TDRD3: variants seen among roughly 807,000 people sequenced by gnomAD.
TDRD3 encodes the protein tudor domain containing 3, also known as tudor domain-containing protein 3.
In TDRD3, 45 loss-of-function variants were observed where a neutral mutation model predicts 86.7. The ratio of observed to expected loss-of-function variants is 0.52; its 90% CI spans 0.41 to 0.67. TDRD3 has a LOEUF of 0.67. Among genes scored for constraint, TDRD3 ranks in the 30% least tolerant of loss-of-function variants. The probability of loss-of-function intolerance (pLI) is 0.00; values close to 1 mark genes in which losing one functional copy is unlikely to be tolerated. For missense variants in TDRD3, 814 were observed against 889.0 expected (o/e 0.92, Z 1.07); for synonymous variants, 298 against 301.7 (o/e 0.99, Z 0.13).
At chr13:60,510,531 T>G in intron 9 of TDRD3, 99 bp from the exon 10 acceptor site, 1 of 1,200,436 alleles carries the variant, frequency 8.3e-7, no homozygotes, top group Non-Finnish European at 1.1e-6. Context: ...GAAAAGAAAT[T>G]AAAATCCTTA....
chr13:60,561,863 TTTGTTGTTGTTG>T (rs535474569), intron 12 of TDRD3, among the ~76,000 whole-genome samples: 1 of 117,230 alleles, frequency 8.5e-6, no homozygotes, highest in Admixed American at 8.8e-5. Flanking sequence ...GCCCAGGTTT[TTTGTTGTTGTTG>T]TTGTTGTTGT....
intron 12 of TDRD3, chr13:60,535,644 A>G (rs1595084452): frequency 6.5e-6 from 1 of 154,412 alleles, no homozygotes; most frequent in Non-Finnish European, 1.4e-5. Context: ...TTACAGGTAA[A>G]ATTAAAAAAA....
chr13:60,461,657 G>T (rs1955806687), intron 4 of TDRD3, among the ~76,000 whole-genome samples: 1 of 152,168 alleles, frequency 6.6e-6, no homozygotes. Context: ...TTAATCCAGT[G>T]CTGGAGGTAC....
At position 60,476,445 on chromosome 13, in the gene TDRD3, A is replaced by G. The variant is rs560087599; in HGVS notation, c.496-7330A>G. On this transcript the variant is annotated intron_variant, in intron 5 of 13. Coordinates refer to ENST00000377881, the MANE Select transcript of TDRD3 (RefSeq NM_001146070.2). ...TACTCATTGTTATATTTTTGTACCA[A>G]TACCATTCTGTTTTGGTTATTGTAG... 2.6e-4 allele frequency among the ~76,000 whole-genome samples: 39 copies of G among 152,148 alleles called. 1 individual carries two copies. In the South Asian group the frequency reaches 7.9e-3, roughly 31 times the overall value.
intron 8 of TDRD3, among the ~76,000 whole-genome samples, chr13:60,506,149 T>G (rs1476630603): frequency 6.6e-6 from 1 of 152,064 alleles, no homozygotes; most frequent in Non-Finnish European, 1.5e-5. Flanking sequence ...CAGGTTACCC[T>G]CAAAGGGAAA....
intron 10 of TDRD3, among the ~76,000 whole-genome samples, chr13:60,513,081 G>C (rs1595051073): frequency 6.6e-6 from 1 of 152,200 alleles, no homozygotes; most frequent in African/African-American, 2.4e-5. Flanking sequence ...CTGAAATCTG[G>C]GTGGAGGTTC....
At chr13:60,403,908 C>T (rs972236694) in intron 1 of TDRD3, among the ~76,000 whole-genome samples, 2 of 152,146 alleles carry the variant, frequency 1.3e-5, no homozygotes, top group African/African-American at 4.8e-5. Flanking sequence ...TAACTCTATA[C>T]AATAATATGT....
intron 8 of TDRD3, among the ~76,000 whole-genome samples, chr13:60,496,287 CCATATATATATATA>C (rs1286275563): frequency 1.9e-4 from 11 of 57,496 alleles, no homozygotes; most frequent in African/African-American, 3.4e-4. Flanking sequence ...TAACAAACTC[CCATATATATATATA>C]TATATATATA....
intron 8 of TDRD3, among the ~76,000 whole-genome samples, chr13:60,495,667 A>G (rs1251489627): frequency 6.6e-6 from 1 of 152,032 alleles, no homozygotes; most frequent in Non-Finnish European, 1.5e-5. Context: ...GTTTCACTAT[A>G]TTAGTGAAAC....
chr13:60,557,311 C>T (rs555627123), intron 12 of TDRD3, among the ~76,000 whole-genome samples: 62 of 152,252 alleles, frequency 4.1e-4, no homozygotes, highest in African/African-American at 1.5e-3. Context: ...CAGAGAGCTC[C>T]CTTCACCAGA....
intron 1 of TDRD3, among the ~76,000 whole-genome samples, chr13:60,417,422 A>G (rs989067433): frequency 2.0e-5 from 3 of 149,666 alleles, no homozygotes; most frequent in Non-Finnish European, 4.4e-5. Flanking sequence ...GCTCACTGCA[A>G]CCTTTGCCTC....
chr13:60,418,103 A>C (rs1172143522), intron 1 of TDRD3, among the ~76,000 whole-genome samples: 1 of 152,120 alleles, frequency 6.6e-6, no homozygotes, highest in Non-Finnish European at 1.5e-5. Context: ...TGTCTTACAA[A>C]GGTATGCATA....
chr13:60,519,185 G>A (rs938629703), intron 10 of TDRD3, among the ~76,000 whole-genome samples: 10 of 151,792 alleles, frequency 6.6e-5, no homozygotes, highest in Admixed American at 2.0e-4. Context: ...TTAATTGTCC[G>A]TTCGCTTATA....
At chr13:60,477,365 C>A (rs1956207807) in intron 5 of TDRD3, among the ~76,000 whole-genome samples, 1 of 151,914 alleles carries the variant, frequency 6.6e-6, no homozygotes, top group Non-Finnish European at 1.5e-5. Context: ...CAGGTGCACA[C>A]CACCAAGTCT....
chr13:60,528,562 C>G lies in TDRD3; in HGVS notation c.1337C>G (p.Pro446Arg). 6.2e-7 allele frequency: 1 copy of G among 1,614,000 alleles called. No homozygotes were observed. The highest frequency in any genetic ancestry group is 8.5e-7 in the Non-Finnish European group (1 of 1,179,936). The change falls in exon 11 of 14, where the codon CCT becomes CGT. Residue 446 changes from proline to arginine, a missense_variant. Coordinates refer to ENST00000377881, the MANE Select transcript of TDRD3 (RefSeq NM_001146070.2). The stretch of plus-strand genomic sequence containing the variant: ...TCAGTTTTAGAAGGCAGTGGATTAC[C>G]TAGAAATAGAGGTTCTGAAAGACCA... Reference protein sequence around the residue: ...SKSVLEGSGLPRNRGSERPST... With the variant: ...SKSVLEGSGLRRNRGSERPST...
rs751473464 is a variant in TDRD3 at position 60,510,725 on chromosome 13, G to C, written c.1111G>C (p.Glu371Gln). 6 of 1,587,926 alleles carry C rather than the reference G, an allele frequency of 3.8e-6. No homozygotes were observed. In the African/African-American group the frequency reaches 8.1e-5, roughly 21 times the overall value. ...ACCAAGCACATTATTTGATTTCTTGGAATCTAAAATGGGAACTTTGAATGT... is the reference window on the plus strand; with the variant it reads ...ACCAAGCACATTATTTGATTTCTTGCAATCTAAAATGGGAACTTTGAATGT... ...SAPSTLFDFLESKMGTLNVEE... is the reference protein window; with the variant it reads ...SAPSTLFDFLQSKMGTLNVEE... Residue 371 changes from glutamate to glutamine, a missense_variant, in exon 10 of 14, where the codon GAA becomes CAA. By Grantham distance (29) the Glu-to-Gln change is conservative (BLOSUM62 2). Transcript: ENST00000377881.
At chr13:60,478,595 G>A (rs1486475846) in intron 5 of TDRD3, among the ~76,000 whole-genome samples, 4 of 151,804 alleles carry the variant, frequency 2.6e-5, no homozygotes, top group Non-Finnish European at 4.4e-5. Flanking sequence ...ATGAGCTACC[G>A]TGCCCGGTCC....
chr13:60,515,219 T>G (rs1487325568), intron 10 of TDRD3, among the ~76,000 whole-genome samples: 1 of 152,236 alleles, frequency 6.6e-6, no homozygotes, highest in Non-Finnish European at 1.5e-5. Context: ...ATTTAGTCTT[T>G]TATTTCAAAG....
intron 8 of TDRD3, among the ~76,000 whole-genome samples, chr13:60,501,335 T>C: frequency 6.6e-6 from 1 of 152,164 alleles, no homozygotes; most frequent in East Asian, 1.9e-4. Context: ...GAAAGATGTG[T>C]CCATGCATTG....
Sources: gnomAD v4.1 joint callset for allele counts (sites outside exome capture counted in the v4.1 genomes callset) on GRCh38, gnomAD v4.1.1 for gene constraint, MANE v1.5 for transcripts, NCBI Gene and HGNC (gene_info 2026-07-23, HGNC 2026-07-21) for gene names.